The following ACTB variants were observed in gnomAD, a reference collection of about 807,000 sequenced individuals.
ACTB encodes the protein actin, cytoplasmic 1.
In ACTB, 2 loss-of-function variants were observed where a neutral mutation model predicts 30.5. The observed-to-expected ratio is 0.07, with a 90% CI of 0.03 to 0.21. The LOEUF (loss-of-function observed/expected upper bound fraction) is 0.21, where lower values mean the gene tolerates loss of function less well. ACTB is among the 10% of genes least tolerant of loss of function. ACTB has a pLI of 1.00. For missense variants in ACTB, 56 were observed against 530.0 expected (o/e 0.11, Z 8.78); for synonymous variants, 335 against 217.6 (o/e 1.54, Z -4.75).
intron 3 of ACTB, 162 bp from the exon 4 acceptor site, chr7:5,528,881 C>T: frequency 7.1e-7 from 1 of 1,402,296 alleles, no homozygotes. Flanking sequence ...ATACACACTC[C>T]AAGGCCGCTT....
chr7:5,528,858 G>C, intron 3 of ACTB, 139 bp from the exon 4 acceptor site: 3 of 1,391,786 alleles, frequency 2.2e-6, no homozygotes, highest in African/African-American at 1.4e-5. Flanking sequence ...CAGACCTACT[G>C]TGCACCTACT....
chr7:5,530,073 A>T (rs1784856369), intron 1 of ACTB: 1 of 153,428 alleles, frequency 6.5e-6, no homozygotes, highest in Admixed American at 6.5e-5. Flanking sequence ...GGGCCCCAGA[A>T]CGCACGCGCA....
intron 2 of ACTB, 23 bp downstream of exon 2, chr7:5,529,512 C>A (rs768631365): frequency 6.2e-7 from 1 of 1,611,702 alleles, no homozygotes; most frequent in African/African-American, 1.3e-5. Flanking sequence ...CCCGGGGCTG[C>A]CCCACCCAGC....
chr7:5,529,152 G>T lies in ACTB; in HGVS notation c.363+9C>A. The T allele has an allele frequency of 6.2e-7, 1 of 1,613,884 alleles. No homozygotes were observed. Among genetic ancestry groups the T allele is most frequent in the Non-Finnish European group, 8.5e-7 (1 of 1,179,902 alleles). On this transcript the variant is annotated intron_variant, in intron 3 of 5. Coordinates refer to ENST00000646664, the MANE Select transcript of ACTB (RefSeq NM_001101.5). Reference sequence around the variant, plus strand: ...AGGCGGCCACCAGAAGAGGTAGCGGGCCACTCACCTGGGTCATCTTCTCGC... The same window carrying T: ...AGGCGGCCACCAGAAGAGGTAGCGGTCCACTCACCTGGGTCATCTTCTCGC...
At position 5,528,654 on chromosome 7, in the gene ACTB, G is replaced by A. The variant is rs375215955; in HGVS notation, c.429C>T (p.Tyr143=). The A allele has an allele frequency of 3.7e-5, 59 of 1,613,882 alleles. No homozygotes were observed. The highest frequency in any genetic ancestry group is 1.8e-4 in the East Asian group (8 of 44,902). ...YVAIQAVLSL[Y]ASGRTTGIVM... ...CGATGCCAGTGGTACGGCCAGAGGC[G>A]TACAGGGATAGCACAGCCTGGATAG... The change falls in exon 4 of 6, where the codon TAC becomes TAT. Residue 143 remains tyrosine (Y), a synonymous_variant. Coordinates refer to ENST00000646664, the MANE Select transcript of ACTB (RefSeq NM_001101.5).
rs1784787481 is a variant in ACTB at position 5,527,427 on chromosome 7, T to A, written c.*321A>T. ...GACTTGGGAGAGGACTGGGCCATTC[T>A]CCTTAGAGAGAAGTGGGGTGGCTTT... On this transcript the variant is annotated 3_prime_UTR_variant, in exon 6 of 6. Transcript: ENST00000646664. The A allele has an allele frequency of 2.2e-6, 1 of 457,788 alleles. No individual in the cohort carries two copies. The highest frequency in any genetic ancestry group is 2.1e-5 in the South Asian group (1 of 46,720). 28.4% of individuals were successfully genotyped at this position (457,788 alleles called of 1,614,324 possible). A position where few individuals can be genotyped will look rare whatever the true frequency, so the allele number is the denominator to read the frequency against.
chr7:5,529,840 CGG>C (rs1562720395), intron 1 of ACTB, 177 bp from the exon 2 acceptor site: 1 of 1,087,970 alleles, frequency 9.2e-7, no homozygotes, highest in Non-Finnish European at 1.4e-6. Flanking sequence ...GGCGTCCCCG[CGG>C]CGCGCGGCAG....
Position 5,529,248 on chromosome 7 carries a change from A to G in ACTB, c.276T>C (p.Asn92=), listed in dbSNP as rs772711453. 6.2e-7 allele frequency: 1 copy of G among 1,613,258 alleles called. No individual in the cohort carries two copies. The highest frequency in any genetic ancestry group is 8.5e-7 in the Non-Finnish European group (1 of 1,179,444). The change falls in exon 3 of 6, where the codon AAT becomes AAC. Residue 92 remains asparagine (N), a synonymous_variant. Transcript: ENST00000646664. ...GCTCCTCGGGAGCCACACGCAGCTC[A>G]TTGTAGAAGGTGTGGTGCCAGATTT... ...MEKIWHHTFY[N]ELRVAPEEHP...
chr7:5,529,808 T>C, intron 1 of ACTB, 145 bp from the exon 2 acceptor site: 1 of 1,344,686 alleles, frequency 7.4e-7, no homozygotes, highest in Non-Finnish European at 1.0e-6. Context: ...GTTATTACCA[T>C]AAAAGGCAAA....
chr7:5,529,686 T>A, intron 1 of ACTB, 23 bp from the exon 2 acceptor site: 2 of 1,610,970 alleles, frequency 1.2e-6, no homozygotes, highest in Non-Finnish European at 1.7e-6. Context: ...CCGGGCGCGC[T>A]GTGAGCCGAG....
At position 5,529,191 on chromosome 7, in the gene ACTB, G is replaced by A; in HGVS notation, c.333C>T (p.Asn111=). ...HPVLLTEAPL[N]PKANREKMTQ... is the part of the protein sequence containing the mutation. The stretch of plus-strand genomic sequence containing the variant: ...TCATCTTCTCGCGGTTGGCCTTGGG[G>A]TTCAGGGGGGCCTCGGTCAGCAGCA... Residue 111 remains asparagine, a synonymous_variant, in exon 3 of 6, where the codon AAC becomes AAT. Coordinates refer to ENST00000646664, the MANE Select transcript of ACTB (RefSeq NM_001101.5). 10 of 1,614,070 alleles carry A rather than the reference G, an allele frequency of 6.2e-6. No homozygotes were observed. The highest frequency in any genetic ancestry group is 8.5e-6 in the Non-Finnish European group (10 of 1,180,038).
chr7:5,529,810 A>T, intron 1 of ACTB, 147 bp from the exon 2 acceptor site: 6 of 1,322,812 alleles, frequency 4.5e-6, no homozygotes, highest in Non-Finnish European at 6.4e-6. Flanking sequence ...TATTACCATA[A>T]AAGGCAAACA....
rs138499594 is a variant in ACTB, at chr7:5,528,396, C to T, written c.687G>A (p.Thr229=). 1.9e-4 allele frequency: 304 copies of T among 1,614,074 alleles called. 1 individual carries two copies. The African/African-American group carries it at 2.7e-3, about 14-fold the overall frequency. ...VALDFEQEMA[T]AASSSSLEKS... is the part of the protein sequence containing the mutation. ...TCTCCAGGGAGGAGCTGGAAGCAGC[C>T]GTGGCCATCTCTTGCTCGAAGTCCA... The change falls in exon 4 of 6, where the codon ACG becomes ACA. Residue 229 remains threonine (T), a synonymous_variant. Transcript: ENST00000646664.
At chr7:5,529,023 A>G (rs758024868) in intron 3 of ACTB, 138 bp downstream of exon 3, 1 of 1,611,530 alleles carries the variant, frequency 6.2e-7, no homozygotes, top group Admixed American at 1.7e-5. Context: ...TAGAACCTGC[A>G]GAGTTCCAAA....
At position 5,528,303 on chromosome 7, in the gene ACTB, T is replaced by C; in HGVS notation, c.780A>G (p.Ala260=). 6.2e-7 allele frequency: 1 copy of C among 1,613,950 alleles called. No homozygotes were observed. The highest frequency in any genetic ancestry group is 8.5e-7 in the Non-Finnish European group (1 of 1,180,000). ...IGNERFRCPE[A]LFQPSFLGME... The stretch of plus-strand genomic sequence containing the variant: ...CACCCAGGAAGGAAGGCTGGAAGAG[T>C]GCCTCAGGGCAGCGGAACCGCTCAT... Residue 260 remains alanine, a synonymous_variant, in exon 4 of 6, where the codon GCA becomes GCG. Coordinates refer to ENST00000646664, the MANE Select transcript of ACTB (RefSeq NM_001101.5).
intron 1 of ACTB, among the ~76,000 whole-genome samples, chr7:5,530,292 C>G (rs1172522154): frequency 6.6e-6 from 1 of 152,132 alleles, no homozygotes; most frequent in South Asian, 2.1e-4. Context: ...GCCCCGAGAG[C>G]GGCACCCCCG....
chr7:5,530,145 T>A (rs553325166), intron 1 of ACTB, among the ~76,000 whole-genome samples: 1 of 151,998 alleles, frequency 6.6e-6, no homozygotes, highest in South Asian at 2.1e-4. Flanking sequence ...GCGCACGCAG[T>A]TAGCGCCCAA....
In ACTB at chr7:5,527,697, C is replaced by A. The variant is rs1323353767; in HGVS notation, c.*51G>T. ...TGCCAATCTCATCTTGTTTTCTGCG[C>A]AAGTTAGGTTTTGTCAAGAAAGGGT... On this transcript the variant is annotated 3_prime_UTR_variant, in exon 6 of 6. Transcript: ENST00000646664. 4.3e-6 allele frequency: 7 copies of A among 1,611,064 alleles called. No homozygotes were observed. Among genetic ancestry groups the A allele is most frequent in the Admixed American group, 1.7e-5 (1 of 59,826 alleles).
chr7:5,527,344 A>G lies in ACTB; in HGVS notation c.*404T>C, dbSNP rs563211915. 7.6e-6 allele frequency: 2 copies of G among 264,440 alleles called. No homozygotes were observed. Among genetic ancestry groups the G allele is most frequent in the Non-Finnish European group, 1.5e-5 (2 of 134,566 alleles). 16.4% of individuals were successfully genotyped at this position (264,440 alleles called of 1,614,324 possible). A position where few individuals can be genotyped will look rare whatever the true frequency, so the allele number is the denominator to read the frequency against. ...ATAAAAAAGTATTAAGGCGAAGATT[A>G]AAAAAATTTTGCATTACATAATTTA... is the stretch of plus-strand genomic sequence containing the variant. On this transcript the variant is annotated 3_prime_UTR_variant, in exon 6 of 6. Coordinates refer to ENST00000646664, the MANE Select transcript of ACTB (RefSeq NM_001101.5).
Sources: gnomAD v4.1 joint callset for allele counts (sites outside exome capture counted in the v4.1 genomes callset) on GRCh38, gnomAD v4.1.1 for gene constraint, MANE v1.5 for transcripts, NCBI Gene and HGNC (gene_info 2026-07-23, HGNC 2026-07-21) for gene names.